The following GLRA2 variants were observed in gnomAD, a reference collection of about 807,000 sequenced individuals.
The protein encoded by GLRA2 is glycine receptor alpha 2.
Under a neutral mutation model 31.6 loss-of-function variants are expected in GLRA2, and 11 were observed. The ratio of observed to expected loss-of-function variants is 0.35; its 90% CI spans 0.22 to 0.58. The LOEUF (loss-of-function observed/expected upper bound fraction) is 0.58, where lower values mean the gene tolerates loss of function less well. Among genes scored for constraint, GLRA2 ranks in the 20% least tolerant of loss-of-function variants. GLRA2 has a pLI of 0.84. For synonymous variants in GLRA2, 132 were observed against 134.0 expected, an observed-to-expected ratio of 0.99 and a Z score of 0.10; for missense variants, 212 against 351.8, an observed-to-expected ratio of 0.60 and a Z score of 3.18.
the GLRA2 span, among the ~76,000 whole-genome samples, chrX:14,460,218 A>T: frequency 1.8e-5 from 2 of 111,823 alleles, no homozygotes; most frequent in Non-Finnish European, 3.8e-5. Flanking sequence ...CCCAGGGATG[A>T]AGCCGATTTG....
intron 2 of GLRA2, among the ~76,000 whole-genome samples, chrX:14,541,443 T>C (rs747500327): frequency 9.0e-6 from 1 of 111,592 alleles, no homozygotes; most frequent in Non-Finnish European, 1.9e-5. Flanking sequence ...CCAGGACTAC[T>C]TTACCACACA....
chrX:14,520,748 G>A, the GLRA2 span, among the ~76,000 whole-genome samples: 2 of 112,444 alleles, frequency 1.8e-5, no homozygotes, highest in Non-Finnish European at 3.8e-5. Context: ...AAATAAAAAG[G>A]AGAGAAGCAA....
At chrX:14,522,026 T>C in the GLRA2 span, among the ~76,000 whole-genome samples, 1 of 111,789 alleles carries the variant, frequency 8.9e-6, no homozygotes, top group Admixed American at 9.5e-5. Flanking sequence ...GTTTGCCACA[T>C]AGATCGACTC....
chrX:14,468,850 G>T, the GLRA2 span, among the ~76,000 whole-genome samples: 1 of 108,724 alleles, frequency 9.2e-6, no homozygotes, highest in African/African-American at 3.3e-5. Flanking sequence ...TTTTAATGAT[G>T]GCCATTCTAA....
At chrX:14,489,183 G>A in the GLRA2 span, among the ~76,000 whole-genome samples, 1 of 111,826 alleles carries the variant, frequency 8.9e-6, no homozygotes, top group African/African-American at 3.2e-5. Context: ...AATGGTTTTT[G>A]AATTGATAGT....
the GLRA2 span, among the ~76,000 whole-genome samples, chrX:14,493,708 CAT>C: frequency 1.2e-5 from 1 of 85,012 alleles, no homozygotes; most frequent in African/African-American, 5.6e-5. Context: ...TATGTATACA[CAT>C]GTATACATAT....
intron 2 of GLRA2, among the ~76,000 whole-genome samples, chrX:14,573,453 G>C (rs1352057004): frequency 8.9e-6 from 1 of 111,869 alleles, no homozygotes; most frequent in Non-Finnish European, 1.9e-5. Flanking sequence ...TTCTACAGGA[G>C]AAGGCAGCAA....
intron 4 of GLRA2, among the ~76,000 whole-genome samples, chrX:14,588,421 T>C (rs2090105985): frequency 9.0e-6 from 1 of 111,610 alleles, no homozygotes; most frequent in Non-Finnish European, 1.9e-5. Flanking sequence ...GGGTTCTCTA[T>C]TCTGTTCCAT....
the GLRA2 span, among the ~76,000 whole-genome samples, chrX:14,511,647 C>T: frequency 2.7e-5 from 3 of 111,861 alleles, no homozygotes; most frequent in East Asian, 8.3e-4. Context: ...CTCTTTTTAT[C>T]TATTTTCCTA....
At chrX:14,520,066 C>A in the GLRA2 span, among the ~76,000 whole-genome samples, 61 of 112,070 alleles carry the variant, frequency 5.4e-4, 1 homozygote, top group South Asian at 0.023. Flanking sequence ...TCAAATAATT[C>A]ACTCTTTCCA....
chrX:14,451,300 A>C, the GLRA2 span, among the ~76,000 whole-genome samples: 1 of 110,836 alleles, frequency 9.0e-6, no homozygotes, highest in East Asian at 2.8e-4. Context: ...GTCAATATTA[A>C]CCTTGAATGT....
the GLRA2 span, among the ~76,000 whole-genome samples, chrX:14,508,492 G>A: frequency 8.9e-6 from 1 of 111,895 alleles, no homozygotes; most frequent in African/African-American, 3.3e-5. Context: ...TTGGCACTGG[G>A]CCATTCCTGC....
At chrX:14,665,906 TCCA>T (rs1450453064) in intron 7 of GLRA2, among the ~76,000 whole-genome samples, 1 of 112,247 alleles carries the variant, frequency 8.9e-6, no homozygotes, top group African/African-American at 3.2e-5. Flanking sequence ...AGAATCTAGC[TCCA>T]GGCTTGGTTT....
intron 7 of GLRA2, among the ~76,000 whole-genome samples, chrX:14,625,606 T>G (rs1381141826): frequency 1.8e-5 from 2 of 111,638 alleles, no homozygotes; most frequent in Admixed American, 9.6e-5. Context: ...CCTTCACTTA[T>G]GAAGCTTAGT....
chrX:14,586,979 C>G (rs2090087740), intron 4 of GLRA2, among the ~76,000 whole-genome samples: 1 of 111,588 alleles, frequency 9.0e-6, no homozygotes, highest in Admixed American at 9.5e-5. Flanking sequence ...CACAATGGAG[C>G]TAGTAAGTAG....
chrX:14,578,354 C>T (rs1429463811), intron 3 of GLRA2, among the ~76,000 whole-genome samples: 1 of 112,334 alleles, frequency 8.9e-6, no homozygotes, highest in Non-Finnish European at 1.9e-5. Context: ...CCAATTCTCA[C>T]TCTGATATGT....
the GLRA2 span, among the ~76,000 whole-genome samples, chrX:14,474,466 A>C: frequency 8.9e-6 from 1 of 111,826 alleles, no homozygotes; most frequent in Non-Finnish European, 1.9e-5. Flanking sequence ...CAAACACCTC[A>C]AAATGTAGTG....
At chrX:14,595,560 G>C (rs1323450076) in intron 4 of GLRA2, among the ~76,000 whole-genome samples, 1 of 111,815 alleles carries the variant, frequency 8.9e-6, no homozygotes, top group Non-Finnish European at 1.9e-5. Context: ...TGCCTAACCA[G>C]ACTTGGACCA....
Position 14,551,961 on chromosome X carries a change from T to C in GLRA2, c.202+19589T>C, listed in dbSNP as rs1390124233. On this transcript the variant is annotated intron_variant, in intron 2 of 8. Coordinates refer to ENST00000218075, the MANE Select transcript of GLRA2 (RefSeq NM_002063.4). ...AGAATGCTCTCTGAAATAATTTACTTGTTCTTTTCTTAAGCAGAGGAAGTA... is the reference window on the plus strand; with the variant it reads ...AGAATGCTCTCTGAAATAATTTACTCGTTCTTTTCTTAAGCAGAGGAAGTA... 2.7e-5 allele frequency among the ~76,000 whole-genome samples: 3 copies of C among 112,378 alleles called. No individual in the cohort carries two copies. In the East Asian group the frequency reaches 8.4e-4, roughly 31 times the overall value.
Sources: allele counts gnomAD v4.1 joint callset (sites outside exome capture counted in the v4.1 genomes callset), GRCh38; gene constraint gnomAD v4.1.1; transcripts MANE v1.5; gene names NCBI Gene and HGNC (gene_info 2026-07-23, HGNC 2026-07-21).